SEL1L2: variants seen among roughly 807,000 people sequenced by gnomAD.
The protein encoded by SEL1L2 is protein sel-1 homolog 2.
Under a neutral mutation model 98.8 loss-of-function variants are expected in SEL1L2, and 89 were observed. The observed-to-expected ratio is 0.90, with a 90% CI of 0.76 to 1.07. The LOEUF is 1.07. SEL1L2 is among the 50% of genes least tolerant of loss of function. SEL1L2 has a pLI of 0.00. For missense variants in SEL1L2, 788 were observed against 812.0 expected, an observed-to-expected ratio of 0.97 and a Z score of 0.36; for synonymous variants, 262 against 278.5, an observed-to-expected ratio of 0.94 and a Z score of 0.59.
intron 10 of SEL1L2, among the ~76,000 whole-genome samples, chr20:13,879,789 G>A (rs1364591503): frequency 6.6e-6 from 1 of 152,146 alleles, no homozygotes; most frequent in Non-Finnish European, 1.5e-5. Flanking sequence ...TTATAGCAAT[G>A]TACAAGTTAC....
intron 1 of SEL1L2, among the ~76,000 whole-genome samples, chr20:13,974,475 C>CTCTTTTT (rs71335938): frequency 7.5e-5 from 6 of 80,186 alleles, no homozygotes; most frequent in Admixed American, 1.8e-4. Flanking sequence ...CTCTCTCTCT[C>CTCTTTTT]TTTTTTTTTT....
At chr20:13,856,354 T>C (rs1989159430) in intron 18 of SEL1L2, among the ~76,000 whole-genome samples, 1 of 152,146 alleles carries the variant, frequency 6.6e-6, no homozygotes, top group Non-Finnish European at 1.5e-5. Flanking sequence ...GGTCTCAAAC[T>C]CCTGACCTCA....
intron 3 of SEL1L2, among the ~76,000 whole-genome samples, chr20:13,919,750 AC>A (rs1453505868): frequency 6.6e-6 from 1 of 151,794 alleles, no homozygotes; most frequent in African/African-American, 2.4e-5. Flanking sequence ...GGGTGGTGAA[AC>A]CCTGTCTCTA....
chr20:13,966,060 C>T (rs540474570), intron 1 of SEL1L2, among the ~76,000 whole-genome samples: 4 of 151,748 alleles, frequency 2.6e-5, no homozygotes, highest in Admixed American at 6.6e-5. Flanking sequence ...GACAGAGACA[C>T]GAAATGTGCA....
chr20:13,909,746 A>C (rs1399111227), intron 5 of SEL1L2, among the ~76,000 whole-genome samples: 1 of 152,084 alleles, frequency 6.6e-6, no homozygotes, highest in African/African-American at 2.4e-5. Context: ...AGGGCAGATC[A>C]CCTGAGGTCA....
At chr20:13,912,292 A>ATTT (rs11478603) in intron 5 of SEL1L2, among the ~76,000 whole-genome samples, 65 of 111,316 alleles carry the variant, frequency 5.8e-4, no homozygotes, top group South Asian at 2.3e-3. Flanking sequence ...TTTCTGTGGG[A>ATTT]TTTTTTTTTT....
chr20:13,985,407 G>A lies in SEL1L2; in HGVS notation c.58+5070C>T, dbSNP rs552079854. Among the ~76,000 whole-genome samples the A allele has an allele frequency of 7.9e-5, 12 of 152,106 alleles. No homozygotes were observed. In the South Asian group the frequency reaches 2.5e-3, roughly 32 times the overall value. ...GTTCTTGTTCTCCCTTGCCTGCTTG[G>A]TGAACACTCACTAATCTTTCAAGAT... On this transcript the variant is annotated intron_variant, in intron 1 of 19. Coordinates refer to ENST00000284951, the MANE Select transcript of SEL1L2 (RefSeq NM_025229.2).
intron 12 of SEL1L2, among the ~76,000 whole-genome samples, 199 bp downstream of exon 12, chr20:13,875,839 T>C (rs2046402953): frequency 6.6e-6 from 1 of 152,242 alleles, no homozygotes; most frequent in Non-Finnish European, 1.5e-5. Flanking sequence ...CACAAGCCAC[T>C]GCCATTTTTC....
chr20:13,860,093 C>T (rs1455602029), intron 17 of SEL1L2, among the ~76,000 whole-genome samples: 1 of 152,196 alleles, frequency 6.6e-6, no homozygotes. Flanking sequence ...CCATCCCTCC[C>T]ATTCTCAGAC....
At chr20:13,868,340 T>C (rs2046021384) in intron 14 of SEL1L2, among the ~76,000 whole-genome samples, 1 of 152,132 alleles carries the variant, frequency 6.6e-6, no homozygotes, top group South Asian at 2.1e-4. Flanking sequence ...CCACCAATGT[T>C]TTTCAGAATC....
intron 2 of SEL1L2, among the ~76,000 whole-genome samples, chr20:13,949,074 T>C (rs1457460421): frequency 6.6e-6 from 1 of 152,298 alleles, no homozygotes; most frequent in Admixed American, 6.5e-5. Flanking sequence ...AAAACTCCTG[T>C]GTATGAAACG....
At chr20:13,859,845 G>A (rs1016215314) in intron 17 of SEL1L2, among the ~76,000 whole-genome samples, 12 of 152,160 alleles carry the variant, frequency 7.9e-5, no homozygotes, top group East Asian at 1.9e-4. Context: ...GATTCCAGGC[G>A]CCCGCCACCA....
intron 10 of SEL1L2, 77 bp downstream of exon 10, chr20:13,885,270 C>T: frequency 1.1e-6 from 1 of 933,422 alleles, no homozygotes; most frequent in South Asian, 1.3e-5. Flanking sequence ...CTCCCTCCCC[C>T]TGCTTTCACT....
chr20:13,866,082 A>C (rs1990986317), intron 15 of SEL1L2, among the ~76,000 whole-genome samples: 1 of 152,218 alleles, frequency 6.6e-6, no homozygotes, highest in African/African-American at 2.4e-5. Flanking sequence ...GAAGTTGGCA[A>C]AGGAGCAAAT....
intron 18 of SEL1L2, among the ~76,000 whole-genome samples, chr20:13,852,092 T>C (rs186960788): frequency 6.6e-6 from 1 of 152,320 alleles, no homozygotes; most frequent in Admixed American, 6.5e-5. Context: ...GAAAGCACCC[T>C]GCAGATGATA....
At position 13,850,228 on chromosome 20, in the gene SEL1L2, T is replaced by A. The variant is rs765561040; in HGVS notation, c.1910A>T (p.Glu637Val). The part of the protein sequence containing the change: ...IPVLFAVMKL[E>V]TTHLLRDILF... ...GATATCCCGGAGCAAATGCGTAGTTTCCAGTTTCATGACGGCAAAGAGCAC... is the reference window on the plus strand; with the variant it reads ...GATATCCCGGAGCAAATGCGTAGTTACCAGTTTCATGACGGCAAAGAGCAC... The change falls in exon 19 of 20, where the codon GAA (glutamate) becomes GTA (valine). Residue 637 changes from glutamate to valine, a missense_variant. Physicochemically the swap from Glu to Val is moderately radical, Grantham distance 121. Transcript: ENST00000284951. 6.2e-7 allele frequency: 1 copy of A among 1,614,026 alleles called. No individual in the cohort carries two copies. The highest frequency in any genetic ancestry group is 2.2e-5 in the East Asian group (1 of 44,854).
At chr20:13,879,378 G>C (rs1413825409) in intron 10 of SEL1L2, among the ~76,000 whole-genome samples, 4 of 152,038 alleles carry the variant, frequency 2.6e-5, no homozygotes, top group Non-Finnish European at 5.9e-5. Context: ...TTGAGACAGA[G>C]TCTTGCTCTG....
intron 1 of SEL1L2, among the ~76,000 whole-genome samples, chr20:13,980,174 G>T (rs376914867): frequency 2.0e-4 from 30 of 152,282 alleles, no homozygotes; most frequent in African/African-American, 6.7e-4. Context: ...ACACTTGTTA[G>T]AAAAAAGATG....
At chr20:13,915,319 G>T (rs540915184) in intron 4 of SEL1L2, 244 of 1,121,598 alleles carry the variant, frequency 2.2e-4, no homozygotes, top group Non-Finnish European at 2.8e-4. Flanking sequence ...GATCAAGAAA[G>T]AAATTAACCC....
Sources: gnomAD v4.1 joint callset for allele counts (sites outside exome capture counted in the v4.1 genomes callset) on GRCh38, gnomAD v4.1.1 for gene constraint, MANE v1.5 for transcripts, NCBI Gene and HGNC (gene_info 2026-07-23, HGNC 2026-07-21) for gene names.